WDR17: variants seen among roughly 807,000 people sequenced by gnomAD.
WDR17 encodes the protein WD repeat-containing protein 17.
Under a neutral mutation model 161.7 loss-of-function variants are expected in WDR17, and 143 were observed. That is an observed-to-expected ratio of 0.88 (90% CI 0.77 to 1.02). The LOEUF (loss-of-function observed/expected upper bound fraction) is 1.02, where lower values mean the gene tolerates loss of function less well. Among genes scored for constraint, WDR17 ranks in the 50% least tolerant of loss-of-function variants. WDR17 has a pLI of 0.00. For synonymous variants in WDR17, 517 were observed against 515.6 expected, an observed-to-expected ratio of 1.00 and a Z score of -0.04; for missense variants, 1,469 against 1,520.9, an observed-to-expected ratio of 0.97 and a Z score of 0.57.
rs1219401869 is a variant in WDR17, at chr4:176,076,214, AATATATATATATATATAT to A, written c.-7+10159_-7+10176del. On this transcript the variant is annotated intron_variant, in intron 1 of 28. Transcript: ENST00000508596. ...TAGTTAACTGTATGTTTACATATATAATATATATATATATATATATATATATATATATATATATATACA... is the reference window on the plus strand; with the variant it reads ...TAGTTAACTGTATGTTTACATATATAATATATATATATATATATATATACA... 2.7e-4 allele frequency among the ~76,000 whole-genome samples: 17 copies of A among 62,272 alleles called. 2 individuals carry two copies. Among genetic ancestry groups the A allele is most frequent in the South Asian group, 2.4e-3 (4 of 1,684 alleles). 40.9% of individuals were successfully genotyped at this position (62,272 alleles called of 152,430 possible).
At position 176,090,058 on chromosome 4, in the gene WDR17, A is replaced by C. The variant is rs1735919173; in HGVS notation, c.-6-21517A>C. Reference sequence around the variant, plus strand: ...GAGAATATACTTTTGCTTATGGAGGATATTAGAGTAGGGCAGTGCTATAGA... The same window carrying C: ...GAGAATATACTTTTGCTTATGGAGGCTATTAGAGTAGGGCAGTGCTATAGA... On this transcript the variant is annotated intron_variant, in intron 1 of 28. Coordinates refer to ENST00000508596, the MANE Select transcript of WDR17 (RefSeq NM_181265.4). Among the ~76,000 whole-genome samples, 3 of 151,858 alleles carry C rather than the reference A, an allele frequency of 2.0e-5. No individual in the cohort carries two copies. The South Asian group carries it at 6.2e-4, about 32-fold the overall frequency.
chr4:176,173,453 G>A, intron 25 of WDR17, 84 bp downstream of exon 25: 3 of 824,064 alleles, frequency 3.6e-6, no homozygotes, highest in Non-Finnish European at 5.9e-6. Flanking sequence ...TTCAGATCGG[G>A]AAATAGGATT....
At chr4:176,129,778 C>G (rs1743063162) in intron 6 of WDR17, among the ~76,000 whole-genome samples, 1 of 151,848 alleles carries the variant, frequency 6.6e-6, no homozygotes. Flanking sequence ...TTGTGAAGTC[C>G]CTAATAAATG....
rs910365275 is a variant in WDR17 at position 176,138,459 on chromosome 4, CA to C, written c.1359+854del. 3.3e-5 allele frequency among the ~76,000 whole-genome samples: 5 copies of C among 151,676 alleles called. No homozygotes were observed. The East Asian group carries it at 7.7e-4, about 23-fold the overall frequency. On this transcript the variant is annotated intron_variant, in intron 9 of 28. Coordinates refer to ENST00000508596, the MANE Select transcript of WDR17 (RefSeq NM_181265.4). ...AGACCACTGTGAGCAATTTTGCACT[CA>C]AAAAAGGAAACTTTGACAAAGGATT...
rs1554027272 is a variant in WDR17, at chr4:176,133,189, T to TTA, written c.1098+1452_1098+1453insAT. ...AAAAACAATTTTTTATTTTTATTTT[T>TTA]TTTTTTTTACCACTTCACTATTTAA... On this transcript the variant is annotated intron_variant, in intron 7 of 28. Transcript: ENST00000508596. Among the ~76,000 whole-genome samples the TTA allele has an allele frequency of 3.9e-3, 565 of 146,162 alleles. 7 individuals are homozygous for TTA. Among genetic ancestry groups the TTA allele is most frequent in the African/African-American group, 0.013 (521 of 40,180 alleles).
chr4:176,155,305 T>C (rs1747883709), intron 17 of WDR17, among the ~76,000 whole-genome samples: 1 of 151,916 alleles, frequency 6.6e-6, no homozygotes, highest in Non-Finnish European at 1.5e-5. Flanking sequence ...GAATTTTACA[T>C]ATTTTATTTT....
intron 1 of WDR17, among the ~76,000 whole-genome samples, chr4:176,090,687 G>A (rs1191495488): frequency 6.6e-6 from 1 of 152,078 alleles, no homozygotes. Flanking sequence ...TGGTGCTAGA[G>A]GAATTAAAGA....
chr4:176,099,414 G>A lies in WDR17; in HGVS notation c.-6-12161G>A, dbSNP rs533756652. On this transcript the variant is annotated intron_variant, in intron 1 of 28. Transcript: ENST00000508596. ...CAGGTCTGAGGGTTAAAAACTTCAC[G>A]GGAACCCAGTAATGGGGGTGGCGGG... Among the ~76,000 whole-genome samples the A allele has an allele frequency of 5.3e-5, 8 of 152,242 alleles. No individual in the cohort carries two copies. The East Asian group carries it at 1.4e-3, about 26-fold the overall frequency.
chr4:176,135,535 T>C (rs1744270425), intron 8 of WDR17, among the ~76,000 whole-genome samples: 2 of 151,614 alleles, frequency 1.3e-5, no homozygotes, highest in Admixed American at 1.3e-4. Flanking sequence ...TTTACCTGTC[T>C]AATATAAGTT....
chr4:176,076,117 C>T (rs1445193479), intron 1 of WDR17, among the ~76,000 whole-genome samples: 1 of 151,018 alleles, frequency 6.6e-6, no homozygotes, highest in Non-Finnish European at 1.5e-5. Context: ...TTACAAAATA[C>T]TTCTTAGTTG....
intron 1 of WDR17, among the ~76,000 whole-genome samples, chr4:176,070,588 A>G (rs1012398427): frequency 1.3e-5 from 2 of 151,694 alleles, no homozygotes; most frequent in Non-Finnish European, 2.9e-5. Flanking sequence ...ATCATGGCTC[A>G]CTGCAGCCTT....
intron 2 of WDR17, among the ~76,000 whole-genome samples, chr4:176,112,322 A>ATC (rs1739903670): frequency 6.6e-6 from 1 of 152,166 alleles, no homozygotes; most frequent in East Asian, 1.9e-4. Flanking sequence ...TATTATAATA[A>ATC]TCTCTTAATA....
intron 1 of WDR17, among the ~76,000 whole-genome samples, chr4:176,103,825 G>T (rs543787536): frequency 1.0e-3 from 153 of 152,072 alleles, no homozygotes; most frequent in African/African-American, 3.5e-3. Context: ...GAAGAGAAGA[G>T]AGAGAGATGG....
At chr4:176,103,296 A>G (rs1349349607) in intron 1 of WDR17, among the ~76,000 whole-genome samples, 2 of 152,130 alleles carry the variant, frequency 1.3e-5, no homozygotes, top group Non-Finnish European at 2.9e-5. Context: ...GCCCACAACA[A>G]TTGAAAACAA....
intron 2 of WDR17, among the ~76,000 whole-genome samples, chr4:176,115,377 G>C (rs1048921678): frequency 5.9e-5 from 9 of 151,908 alleles, no homozygotes; most frequent in Admixed American, 6.6e-5. Context: ...CATCTTAATA[G>C]TGTAATAATG....
rs767134946 is a variant in WDR17 at position 176,149,855 on chromosome 4, G to A, written c.1946G>A (p.Arg649His). The A allele has an allele frequency of 5.0e-6, 8 of 1,613,832 alleles. No individual in the cohort carries two copies. Among genetic ancestry groups the A allele is most frequent in the Non-Finnish European group, 6.8e-6 (8 of 1,180,002 alleles). Reference protein sequence around the residue: ...SRPFTMASCSRDSTVRLWSLT... With the variant: ...SRPFTMASCSHDSTVRLWSLT... ...CCCTTCACTATGGCCTCTTGCTCCC[G>A]TGACTCTACAGTGAGACTCTGGTCA... is the stretch of plus-strand genomic sequence containing the variant. Residue 649 changes from arginine to histidine, a missense_variant, in exon 14 of 29, where the codon CGT (arginine) becomes CAT (histidine). Coordinates refer to ENST00000508596, the MANE Select transcript of WDR17 (RefSeq NM_181265.4).
In WDR17 at chr4:176,172,626, G is replaced by C. The variant is rs567727409; in HGVS notation, c.3244+110G>C. 11 of 969,466 alleles carry C rather than the reference G, an allele frequency of 1.1e-5. No individual in the cohort carries two copies. The South Asian group carries it at 1.8e-4, about 16-fold the overall frequency. 60.1% of individuals were successfully genotyped at this position (969,466 alleles called of 1,614,324 possible). A position where few individuals can be genotyped will look rare whatever the true frequency, so the allele number is the denominator to read the frequency against. On this transcript the variant is annotated intron_variant, in intron 24 of 28. Transcript: ENST00000508596. ...TTTGCATTGCTATAAAGAAATACCT[G>C]AGGCTGGGTAATTTATAAAGAAAGT...
At chr4:176,149,509 A>T (rs919997852) in intron 13 of WDR17, among the ~76,000 whole-genome samples, 1 of 152,076 alleles carries the variant, frequency 6.6e-6, no homozygotes, top group African/African-American at 2.4e-5. Flanking sequence ...GGCTCAAGGG[A>T]TCCACCCGCC....
chr4:176,148,196 A>T lies in WDR17; in HGVS notation c.1758A>T (p.Ala586=), dbSNP rs1294448764. The change falls in exon 13 of 29, where the codon GCA becomes GCT. Residue 586 remains alanine, a synonymous_variant. Coordinates refer to ENST00000508596, the MANE Select transcript of WDR17 (RefSeq NM_181265.4). ...ACINILNGHT[A]PVRGLMWNTE... is the part of the protein sequence containing the mutation. ...TCAATATTCTTAATGGACACACTGC[A>T]CCTGTGAGAGGATTAATGTGGAATA... 1.8e-5 allele frequency: 29 copies of T among 1,613,884 alleles called. No individual in the cohort carries two copies. The Admixed American group carries it at 4.8e-4, about 27-fold the overall frequency.
Sources: gnomAD v4.1 joint callset for allele counts (sites outside exome capture counted in the v4.1 genomes callset) on GRCh38, gnomAD v4.1.1 for gene constraint, MANE v1.5 for transcripts, NCBI Gene and HGNC (gene_info 2026-07-23, HGNC 2026-07-21) for gene names.